SEMA5A: variants seen among roughly 807,000 people sequenced by gnomAD.
SEMA5A encodes the protein semaphorin-5A.
A neutral mutation model predicts 135.5 loss-of-function variants in SEMA5A; 55 were observed. The ratio of observed to expected loss-of-function variants is 0.41; its 90% CI spans 0.33 to 0.51. The LOEUF (loss-of-function observed/expected upper bound fraction) is 0.51. Ranked by LOEUF, SEMA5A falls within the 20% of genes least tolerant of loss-of-function variation. The probability of loss-of-function intolerance (pLI) is 0.37; values close to 1 mark genes in which losing one functional copy is unlikely to be tolerated. For synonymous variants in SEMA5A, 580 were observed against 546.5 expected (o/e 1.06, Z -0.85); for missense variants, 1,290 against 1,419.9 (o/e 0.91, Z 1.47).
intron 5 of SEMA5A, among the ~76,000 whole-genome samples, chr5:9,254,502 A>G (rs1374226700): frequency 6.6e-6 from 1 of 152,182 alleles, no homozygotes; most frequent in Non-Finnish European, 1.5e-5. Context: ...CATTCATGAA[A>G]CTGCAAGAAA....
At position 9,204,246 on chromosome 5, in the gene SEMA5A, C is replaced by T. The variant is rs772382725; in HGVS notation, c.647-2006G>A. The stretch of plus-strand genomic sequence containing the variant: ...GCAACCCTTCCTAAAATGTGGAAAA[C>T]AAAGAGAGAAGGCGTAAGGGTCCAA... On this transcript the variant is annotated intron_variant, in intron 8 of 22. Coordinates refer to ENST00000382496, the MANE Select transcript of SEMA5A (RefSeq NM_003966.3). The surrounding 1 kb of genome is among the most constrained non-coding windows in gnomAD (Gnocchi z 6.4). Among the ~76,000 whole-genome samples the T allele has an allele frequency of 6.6e-6, 1 of 152,080 alleles. No individual in the cohort carries two copies. Among genetic ancestry groups the T allele is most frequent in the Non-Finnish European group, 1.5e-5 (1 of 68,016 alleles).
intron 13 of SEMA5A, among the ~76,000 whole-genome samples, chr5:9,126,305 C>T (rs1158329856): frequency 6.6e-6 from 1 of 152,064 alleles, no homozygotes; most frequent in Non-Finnish European, 1.5e-5. Context: ...CGTCTTATTC[C>T]TCCTGCCCAT....
chr5:9,250,955 C>T (rs1450735291), intron 5 of SEMA5A, among the ~76,000 whole-genome samples: 1 of 152,028 alleles, frequency 6.6e-6, no homozygotes, highest in African/African-American at 2.4e-5. Context: ...TTTAATGCTC[C>T]ACCAAAATTT....
chr5:9,217,016 A>C (rs56818841), intron 8 of SEMA5A, among the ~76,000 whole-genome samples: 5,014 of 152,170 alleles, frequency 0.033, 112 homozygotes, highest in Non-Finnish European at 0.048. Flanking sequence ...ATTTGATCCT[A>C]TCATTATGTT....
At chr5:9,382,047 G>A (rs1245709895) in intron 2 of SEMA5A, among the ~76,000 whole-genome samples, 2 of 149,426 alleles carry the variant, frequency 1.3e-5, no homozygotes, top group Non-Finnish European at 3.0e-5. Flanking sequence ...TGTAATCCTA[G>A]CACTTTGGGA....
chr5:9,384,215 C>G (rs1755731340), intron 2 of SEMA5A, among the ~76,000 whole-genome samples: 1 of 152,010 alleles, frequency 6.6e-6, no homozygotes, highest in South Asian at 2.1e-4. Context: ...GGCTTTTACT[C>G]TAAATAGACT....
intron 5 of SEMA5A, among the ~76,000 whole-genome samples, chr5:9,238,406 C>A (rs1748024673): frequency 6.6e-6 from 1 of 152,098 alleles, no homozygotes; most frequent in Admixed American, 6.6e-5. Context: ...ATAGATAGCT[C>A]ATGCAAAGAA....
intron 20 of SEMA5A, among the ~76,000 whole-genome samples, chr5:9,051,587 A>C (rs1736578792): frequency 6.6e-6 from 1 of 152,232 alleles, no homozygotes; most frequent in South Asian, 2.1e-4. Flanking sequence ...CATATTTAAT[A>C]ATAACCAAAT....
intron 3 of SEMA5A, among the ~76,000 whole-genome samples, chr5:9,357,604 T>G (rs192438482): frequency 7.9e-5 from 12 of 152,206 alleles, no homozygotes. Context: ...ACTCTGGGAA[T>G]AGACATAAGC....
intron 16 of SEMA5A, among the ~76,000 whole-genome samples, chr5:9,106,024 T>C (rs969575295): frequency 6.6e-6 from 1 of 152,116 alleles, no homozygotes; most frequent in African/African-American, 2.4e-5. Context: ...ATTCCTGCCT[T>C]AGGACAGACA....
At chr5:9,195,778 C>T (rs1252976574) in intron 10 of SEMA5A, among the ~76,000 whole-genome samples, 1 of 152,194 alleles carries the variant, frequency 6.6e-6, no homozygotes, top group Non-Finnish European at 1.5e-5. Context: ...ATTGAATGGT[C>T]CTTGCAAAAA....
At chr5:9,324,074 A>ATT (rs200695024) in intron 4 of SEMA5A, among the ~76,000 whole-genome samples, 28 of 147,860 alleles carry the variant, frequency 1.9e-4, no homozygotes, top group South Asian at 1.1e-3. Context: ...ATTTTATTTT[A>ATT]TTTTTTTTTT....
At chr5:9,453,003 A>G (rs1161595371) in intron 1 of SEMA5A, among the ~76,000 whole-genome samples, 1 of 152,150 alleles carries the variant, frequency 6.6e-6, no homozygotes, top group Non-Finnish European at 1.5e-5. Flanking sequence ...TGCAACCACC[A>G]CAGATACTCA....
intron 5 of SEMA5A, among the ~76,000 whole-genome samples, chr5:9,315,474 A>G (rs1263582743): frequency 6.6e-6 from 1 of 152,210 alleles, no homozygotes; most frequent in African/African-American, 2.4e-5. Flanking sequence ...TGTCCTTTAT[A>G]GTAAGAAAAA....
At chr5:9,212,248 T>G (rs187491295) in intron 8 of SEMA5A, among the ~76,000 whole-genome samples, 2 of 152,338 alleles carry the variant, frequency 1.3e-5, no homozygotes, top group East Asian at 3.9e-4. Flanking sequence ...ATTGCCAGTT[T>G]CTTGAAGGCA....
intron 2 of SEMA5A, among the ~76,000 whole-genome samples, chr5:9,401,506 C>A (rs1394510620): frequency 6.6e-6 from 1 of 152,148 alleles, no homozygotes; most frequent in Non-Finnish European, 1.5e-5. Flanking sequence ...ACTCAGCATC[C>A]CCGTGTGGTC....
intron 1 of SEMA5A, among the ~76,000 whole-genome samples, chr5:9,491,558 T>C (rs1482033965): frequency 6.6e-6 from 1 of 151,810 alleles, no homozygotes; most frequent in Non-Finnish European, 1.5e-5. Context: ...AATAAGGAGG[T>C]AACAGTTTAT....
chr5:9,248,078 T>C (rs886242308), intron 5 of SEMA5A, among the ~76,000 whole-genome samples: 9 of 152,198 alleles, frequency 5.9e-5, no homozygotes, highest in Non-Finnish European at 1.3e-4. Context: ...TCTTCTATAA[T>C]TTGTTCATTT....
intron 8 of SEMA5A, 140 bp from the exon 9 acceptor site, chr5:9,202,380 G>T: frequency 3.1e-6 from 2 of 642,294 alleles, no homozygotes; most frequent in East Asian, 3.2e-5. Flanking sequence ...GGGAGGCCCC[G>T]TGAGCAGCTT....
Sources: gnomAD v4.1 joint callset for allele counts (sites outside exome capture counted in the v4.1 genomes callset) on GRCh38, gnomAD v4.1.1 for gene constraint, Gnocchi (gnomAD v3.1) non-coding constraint, MANE v1.5 for transcripts, NCBI Gene and HGNC (gene_info 2026-07-23, HGNC 2026-07-21) for gene names.